Variants in NOS1AP observed in about 807,000 individuals in gnomAD.
NOS1AP encodes the protein carboxyl-terminal PDZ ligand of neuronal nitric oxide synthase protein.
NOS1AP carries 21 observed loss-of-function variants against 56.2 expected under a neutral mutation model. The observed-to-expected ratio is 0.37, with a 90% CI of 0.26 to 0.54. NOS1AP has a LOEUF of 0.54. NOS1AP is among the 20% of genes least tolerant of loss of function. The pLI is 0.84. For synonymous variants in NOS1AP, 270 were observed against 274.6 expected (o/e 0.98, Z 0.17); for missense variants, 522 against 657.8 (o/e 0.79, Z 2.26).
chr1:162,311,029 C>CGGTGCAAAAAGT, intron 4 of NOS1AP, among the ~76,000 whole-genome samples: 1 of 152,028 alleles, frequency 6.6e-6, no homozygotes, highest in African/African-American at 2.4e-5. Flanking sequence ...CTTTTTTTAA[C>CGGTGCAAAAAGT]CCTGCTAACA....
chr1:162,203,708 A>G (rs905616121), intron 2 of NOS1AP, among the ~76,000 whole-genome samples: 3 of 152,206 alleles, frequency 2.0e-5, no homozygotes, highest in African/African-American at 7.2e-5. Flanking sequence ...AAGAAGTGAT[A>G]ATGCATGTGA....
rs183598680 is a variant in NOS1AP, at chr1:162,279,398, C to A, written c.178-7946C>A. Among the ~76,000 whole-genome samples, 119 of 152,328 alleles carry A rather than the reference C, an allele frequency of 7.8e-4. 1 individual carries two copies. Among genetic ancestry groups the A allele is most frequent in the African/African-American group, 2.8e-3 (116 of 41,572 alleles). On this transcript the variant is annotated intron_variant, in intron 2 of 9. Transcript: ENST00000361897. ...CTGCCGCTGCCTTCCATGCCAGGGC[C>A]TGTTTGACTTGCCCTATGCCATCAT...
intron 3 of NOS1AP, among the ~76,000 whole-genome samples, chr1:162,294,364 A>T (rs1196550481): frequency 1.3e-5 from 2 of 152,170 alleles, no homozygotes; most frequent in Non-Finnish European, 2.9e-5. Context: ...GGCCTGCCTT[A>T]GTATCCCTCC....
intron 1 of NOS1AP, among the ~76,000 whole-genome samples, chr1:162,152,421 C>G (rs1649755584): frequency 6.6e-6 from 1 of 152,194 alleles, no homozygotes; most frequent in Admixed American, 6.5e-5. Context: ...ATGGAAACTG[C>G]CCCCAGCTGG....
chr1:162,280,421 G>T (rs1422037735), intron 2 of NOS1AP, among the ~76,000 whole-genome samples: 1 of 152,192 alleles, frequency 6.6e-6, no homozygotes, highest in South Asian at 2.1e-4. Flanking sequence ...AAATAAAAAT[G>T]TATAATAATC....
chr1:162,209,048 G>A (rs1652256931), intron 2 of NOS1AP, among the ~76,000 whole-genome samples: 1 of 152,188 alleles, frequency 6.6e-6, no homozygotes, highest in African/African-American at 2.4e-5. Context: ...AGCAAATTCT[G>A]CAACCCTTTT....
At chr1:162,104,382 G>A (rs904044417) in intron 1 of NOS1AP, among the ~76,000 whole-genome samples, 1 of 152,104 alleles carries the variant, frequency 6.6e-6, no homozygotes, top group Non-Finnish European at 1.5e-5. Context: ...ACTAGTATGT[G>A]TCTTGGGGTT....
At chr1:162,193,749 G>A (rs1235563689) in intron 2 of NOS1AP, among the ~76,000 whole-genome samples, 1 of 152,156 alleles carries the variant, frequency 6.6e-6, no homozygotes, top group African/African-American at 2.4e-5. Context: ...CAGAAATCAA[G>A]CTAGATCTTT....
intron 1 of NOS1AP, among the ~76,000 whole-genome samples, chr1:162,111,780 C>G (rs12085258): frequency 6.6e-6 from 1 of 152,108 alleles, no homozygotes; most frequent in East Asian, 1.9e-4. Flanking sequence ...TGTAGTCCCT[C>G]ACAGTCATCG....
intron 2 of NOS1AP, among the ~76,000 whole-genome samples, chr1:162,265,279 C>T (rs1404817919): frequency 6.7e-6 from 1 of 150,052 alleles, no homozygotes; most frequent in Non-Finnish European, 1.5e-5. Context: ...GCACAATGTG[C>T]AGGTTAGTTA....
At chr1:162,095,235 C>T (rs1052671141) in intron 1 of NOS1AP, among the ~76,000 whole-genome samples, 2 of 152,212 alleles carry the variant, frequency 1.3e-5, no homozygotes, top group Admixed American at 6.5e-5. Context: ...GAGGTGGGGC[C>T]TTTGGGAGGC....
chr1:162,293,349 A>C (rs1386618778), intron 3 of NOS1AP, among the ~76,000 whole-genome samples: 2 of 152,224 alleles, frequency 1.3e-5, no homozygotes, highest in Non-Finnish European at 2.9e-5. Context: ...AATGAATGTC[A>C]GTACAAATTT....
chr1:162,258,683 C>T (rs1164378645), intron 2 of NOS1AP, among the ~76,000 whole-genome samples: 1 of 152,202 alleles, frequency 6.6e-6, no homozygotes, highest in Non-Finnish European at 1.5e-5. Context: ...GACATTCTGA[C>T]AGCCATTGGC....
At chr1:162,181,051 A>G (rs1486957046) in intron 2 of NOS1AP, among the ~76,000 whole-genome samples, 1 of 152,212 alleles carries the variant, frequency 6.6e-6, no homozygotes, top group Non-Finnish European at 1.5e-5. Flanking sequence ...TTCCATGCAA[A>G]TGTATTTCAA....
chr1:162,203,726 G>A (rs1028025546), intron 2 of NOS1AP, among the ~76,000 whole-genome samples: 8 of 152,178 alleles, frequency 5.3e-5, no homozygotes, highest in African/African-American at 1.9e-4. Context: ...TGATGTAGAT[G>A]ATGTTTTAAA....
chr1:162,337,309 A>G (rs1005996920), intron 5 of NOS1AP, among the ~76,000 whole-genome samples: 5 of 152,240 alleles, frequency 3.3e-5, no homozygotes, highest in Admixed American at 1.3e-4. Flanking sequence ...ATTTCCTCCT[A>G]TAATGCTGTC....
At chr1:162,247,422 G>T (rs1653699754) in intron 2 of NOS1AP, among the ~76,000 whole-genome samples, 1 of 152,192 alleles carries the variant, frequency 6.6e-6, no homozygotes, top group Admixed American at 6.5e-5. Context: ...TCCTTTGTCT[G>T]ATTCCCAGAG....
chr1:162,278,308 A>T (rs1486836812), intron 2 of NOS1AP, among the ~76,000 whole-genome samples: 1 of 152,230 alleles, frequency 6.6e-6, no homozygotes, highest in African/African-American at 2.4e-5. Flanking sequence ...GAAGGGAAGA[A>T]TTATACCCTT....
chr1:162,152,148 G>C (rs898922579), intron 1 of NOS1AP, among the ~76,000 whole-genome samples: 9 of 152,198 alleles, frequency 5.9e-5, no homozygotes, highest in African/African-American at 1.9e-4. Flanking sequence ...TAGCAGGATA[G>C]GGATGGGTCC....
Sources: gnomAD v4.1 joint callset for allele counts (sites outside exome capture counted in the v4.1 genomes callset) on GRCh38, gnomAD v4.1.1 for gene constraint, MANE v1.5 for transcripts, NCBI Gene and HGNC (gene_info 2026-07-23, HGNC 2026-07-21) for gene names.